PTPRD: variants seen among roughly 807,000 people sequenced by gnomAD.
PTPRD encodes the protein receptor-type tyrosine-protein phosphatase delta.
PTPRD carries 34 observed loss-of-function variants against 214.5 expected under a neutral mutation model. That is an observed-to-expected ratio of 0.16 (90% confidence interval 0.12 to 0.21). The LOEUF is 0.21. PTPRD is among the 10% of genes least tolerant of loss of function. PTPRD has a pLI of 1.00. For synonymous variants in PTPRD, 1,128 were observed against 845.7 expected, an observed-to-expected ratio of 1.33 and a Z score of -5.79; for missense variants, 2,545 against 2,398.7, an observed-to-expected ratio of 1.06 and a Z score of -1.27.
chr9:9,587,666 T>C (rs676855), intron 7 of PTPRD, among the ~76,000 whole-genome samples: 39,792 of 151,854 alleles, frequency 0.26, 6,181 homozygotes, highest in Non-Finnish European at 0.35. Flanking sequence ...AATTAGCATT[T>C]CTAAACCAAG....
intron 2 of PTPRD, among the ~76,000 whole-genome samples, chr9:10,609,119 C>G (rs2080264741): frequency 6.6e-6 from 1 of 151,772 alleles, no homozygotes; most frequent in South Asian, 2.1e-4. Flanking sequence ...GGTGTAAGCC[C>G]AAAAATATGT....
chr9:8,805,445 C>A (rs941623408), intron 11 of PTPRD, among the ~76,000 whole-genome samples: 3 of 151,368 alleles, frequency 2.0e-5, no homozygotes, highest in Non-Finnish European at 4.4e-5. Flanking sequence ...ATACAATAAT[C>A]GTAGTAAGAA....
chr9:9,767,569 T>A (rs774842741), intron 5 of PTPRD, among the ~76,000 whole-genome samples: 8 of 152,112 alleles, frequency 5.3e-5, no homozygotes, highest in Non-Finnish European at 7.4e-5. Context: ...TATCTAAATC[T>A]GAGAACTCAC....
chr9:9,760,733 C>T (rs1453167258), intron 6 of PTPRD, among the ~76,000 whole-genome samples: 1 of 151,572 alleles, frequency 6.6e-6, no homozygotes, highest in Non-Finnish European at 1.5e-5. Context: ...AGGAAATAGG[C>T]AAACTACATG....
chr9:8,508,018 A>G (rs140321276), intron 21 of PTPRD, among the ~76,000 whole-genome samples: 2 of 152,144 alleles, frequency 1.3e-5, no homozygotes, highest in Admixed American at 6.5e-5. Flanking sequence ...ACAAAACTCT[A>G]TCACTTACAA....
chr9:9,735,210 G>A (rs976946348), intron 6 of PTPRD, among the ~76,000 whole-genome samples: 1 of 152,098 alleles, frequency 6.6e-6, no homozygotes, highest in Admixed American at 6.6e-5. Flanking sequence ...GGATGCAAAG[G>A]TTTTATAAAT....
At chr9:9,313,465 C>A (rs545193530) in intron 9 of PTPRD, among the ~76,000 whole-genome samples, 2 of 152,188 alleles carry the variant, frequency 1.3e-5, no homozygotes, top group East Asian at 1.9e-4. Context: ...AGAAACTTGA[C>A]CTCAGAGTTC....
At chr9:9,961,973 T>C (rs1021856868) in intron 4 of PTPRD, among the ~76,000 whole-genome samples, 4 of 151,976 alleles carry the variant, frequency 2.6e-5, no homozygotes, top group African/African-American at 4.8e-5. Context: ...TATGTACCAA[T>C]TTAAAAATAA....
At chr9:9,616,233 GTA>G (rs1415848392) in intron 7 of PTPRD, among the ~76,000 whole-genome samples, 1 of 152,172 alleles carries the variant, frequency 6.6e-6, no homozygotes, top group East Asian at 1.9e-4. Flanking sequence ...TTTTTTATAA[GTA>G]TATCCCAAGT....
At chr9:10,244,500 C>G (rs10756016) in intron 3 of PTPRD, among the ~76,000 whole-genome samples, 83,832 of 151,918 alleles carry the variant, frequency 0.55, 24,760 homozygotes, top group East Asian at 0.73. Context: ...GTAGAGAGAT[C>G]TGAGTTTATA....
chr9:9,310,840 C>T (rs983764661), intron 9 of PTPRD, among the ~76,000 whole-genome samples: 1 of 151,838 alleles, frequency 6.6e-6, no homozygotes, highest in Non-Finnish European at 1.5e-5. Context: ...ATCTCTTGAA[C>T]CCAGGAGGCA....
chr9:10,463,913 GA>G (rs2098975976), intron 2 of PTPRD, among the ~76,000 whole-genome samples: 1 of 151,978 alleles, frequency 6.6e-6, no homozygotes, highest in Non-Finnish European at 1.5e-5. Context: ...TGCAGAGGTT[GA>G]AAAAATAAAA....
intron 6 of PTPRD, among the ~76,000 whole-genome samples, chr9:9,745,413 T>A (rs894143705): frequency 1.3e-5 from 2 of 151,984 alleles, no homozygotes; most frequent in African/African-American, 4.8e-5. Flanking sequence ...CACAAAGAAG[T>A]TTTCCTTTCT....
In PTPRD at chr9:9,645,333, C is replaced by T. The variant is rs184784352; in HGVS notation, c.-286-70552G>A. Among the ~76,000 whole-genome samples the T allele has an allele frequency of 2.2e-3, 342 of 152,144 alleles. 2 individuals are homozygous for T. The highest frequency in any genetic ancestry group is 7.7e-3 in the African/African-American group (321 of 41,496). Reference sequence around the variant, plus strand: ...GAGTTGCTCTAGAGACAAAATGATACAGTATTTTGAGGAGAGCTCATTCAT... The same window carrying T: ...GAGTTGCTCTAGAGACAAAATGATATAGTATTTTGAGGAGAGCTCATTCAT... On this transcript the variant is annotated intron_variant, in intron 7 of 45. Coordinates refer to ENST00000381196, the MANE Select transcript of PTPRD (RefSeq NM_002839.4).
chr9:9,119,119 G>T (rs1340663982), intron 10 of PTPRD, among the ~76,000 whole-genome samples: 1 of 152,150 alleles, frequency 6.6e-6, no homozygotes, highest in African/African-American at 2.4e-5. Context: ...ATGTTCTTTA[G>T]TATGTCCTGC....
At chr9:8,778,534 T>C (rs1405421045) in intron 11 of PTPRD, among the ~76,000 whole-genome samples, 1 of 152,144 alleles carries the variant, frequency 6.6e-6, no homozygotes, top group Non-Finnish European at 1.5e-5. Context: ...ATCACTGGTG[T>C]CTTTTTGCTC....
At chr9:9,555,744 A>G (rs1317813727) in intron 8 of PTPRD, among the ~76,000 whole-genome samples, 1 of 152,168 alleles carries the variant, frequency 6.6e-6, no homozygotes, top group East Asian at 1.9e-4. Flanking sequence ...ACTACAAAAA[A>G]CATTAGCTAT....
chr9:9,963,391 G>A (rs1365705789), intron 4 of PTPRD, among the ~76,000 whole-genome samples: 1 of 151,486 alleles, frequency 6.6e-6, no homozygotes, highest in Non-Finnish European at 1.5e-5. Flanking sequence ...AAAGAGAAAT[G>A]CCTCTAAGTG....
At chr9:9,130,095 G>C (rs1293470775) in intron 10 of PTPRD, among the ~76,000 whole-genome samples, 2 of 151,944 alleles carry the variant, frequency 1.3e-5, no homozygotes, top group Non-Finnish European at 2.9e-5. Flanking sequence ...TAAGTACTAG[G>C]GATAGATTTC....
Sources: gnomAD v4.1 joint callset for allele counts (sites outside exome capture counted in the v4.1 genomes callset) on GRCh38, gnomAD v4.1.1 for gene constraint, MANE v1.5 for transcripts, NCBI Gene and HGNC (gene_info 2026-07-23, HGNC 2026-07-21) for gene names.